The following TRHDE variants were observed in gnomAD, a reference collection of about 807,000 sequenced individuals.
TRHDE encodes the protein thyrotropin-releasing hormone-degrading ectoenzyme.
In TRHDE, 72 loss-of-function variants were observed where a neutral mutation model predicts 125.7. The ratio of observed to expected loss-of-function variants is 0.57; its 90% CI spans 0.47 to 0.70. TRHDE has a LOEUF of 0.70. TRHDE is among the 30% of genes least tolerant of loss of function. TRHDE has a pLI of 0.00. For missense variants in TRHDE, 1,110 were observed against 1,327.1 expected (o/e 0.84, Z 2.54); for synonymous variants, 509 against 509.1 (o/e 1.00, Z 0.00).
intron 2 of TRHDE, among the ~76,000 whole-genome samples, chr12:72,166,849 A>G (rs115636935): frequency 0.034 from 5,226 of 152,170 alleles, 169 homozygotes; most frequent in African/African-American, 0.082. Flanking sequence ...GGCAGAACAT[A>G]CAGTGATAAA....
intron 2 of TRHDE, among the ~76,000 whole-genome samples, chr12:72,139,854 G>A (rs962636342): frequency 2.0e-5 from 3 of 152,170 alleles, no homozygotes; most frequent in Non-Finnish European, 4.4e-5. Context: ...ATGGGAATGA[G>A]TGGTTGGATA....
In TRHDE at chr12:72,277,402, C is replaced by T. The variant is rs974820660; in HGVS notation, c.914+3845C>T. Among the ~76,000 whole-genome samples, 6 of 152,058 alleles carry T rather than the reference C, an allele frequency of 3.9e-5. No individual in the cohort carries two copies. In the East Asian group the frequency reaches 7.7e-4, roughly 20 times the overall value. On this transcript the variant is annotated intron_variant, in intron 1 of 18. Transcript: ENST00000261180. ...GAAATTCACTACATTATTTTTAGAT[C>T]GAAAGCAACTTCATTTCTCCCATTC...
intron 2 of TRHDE, among the ~76,000 whole-genome samples, chr12:72,313,113 TG>T (rs1565694485): frequency 6.6e-6 from 1 of 152,118 alleles, no homozygotes; most frequent in Non-Finnish European, 1.5e-5. Context: ...TTCATTATTG[TG>T]GGCAATATTT....
At chr12:72,208,906 T>G (rs1427178976) in intron 2 of TRHDE, among the ~76,000 whole-genome samples, 1 of 152,190 alleles carries the variant, frequency 6.6e-6, no homozygotes, top group Non-Finnish European at 1.5e-5. Flanking sequence ...CCCACTCTTC[T>G]TAGAGTCTGA....
intron 1 of TRHDE, among the ~76,000 whole-genome samples, chr12:72,089,900 A>G (rs1167721716): frequency 6.6e-6 from 1 of 152,200 alleles, no homozygotes; most frequent in Non-Finnish European, 1.5e-5. Context: ...AACACTCAGT[A>G]AATATTTGTT....
At chr12:72,201,980 T>A (rs932839087) in intron 2 of TRHDE, among the ~76,000 whole-genome samples, 6 of 151,976 alleles carry the variant, frequency 3.9e-5, no homozygotes, top group Admixed American at 3.9e-4. Context: ...TCCAGAACTC[T>A]GTCTTATTAA....
chr12:72,436,909 A>G (rs1268276517), intron 3 of TRHDE, among the ~76,000 whole-genome samples: 3 of 151,806 alleles, frequency 2.0e-5, no homozygotes, highest in African/African-American at 7.2e-5. Context: ...GCAACTACCC[A>G]TCATCTACAT....
At chr12:72,108,553 T>C (rs1447122385) in intron 2 of TRHDE, among the ~76,000 whole-genome samples, 1 of 152,102 alleles carries the variant, frequency 6.6e-6, no homozygotes, top group Non-Finnish European at 1.5e-5. Flanking sequence ...TCTTCTTCGA[T>C]GTTTCAGCTT....
chr12:72,643,708 T>TAAGTA (rs1874163010), intron 15 of TRHDE, among the ~76,000 whole-genome samples: 1 of 152,192 alleles, frequency 6.6e-6, no homozygotes, highest in South Asian at 2.1e-4. Flanking sequence ...AGTAGCTCCT[T>TAAGTA]AAGTATACTG....
chr12:72,512,579 T>A (rs1878649511), intron 6 of TRHDE, among the ~76,000 whole-genome samples: 1 of 141,162 alleles, frequency 7.1e-6, no homozygotes. Flanking sequence ...TATATAATCA[T>A]ATAATAATCA....
At chr12:72,534,784 G>A (rs941782050) in intron 6 of TRHDE, among the ~76,000 whole-genome samples, 6 of 151,938 alleles carry the variant, frequency 3.9e-5, no homozygotes, top group East Asian at 3.9e-4. Flanking sequence ...GGCTTTTCCT[G>A]TGCTTTTAAT....
rs1392008037 is a variant in TRHDE at position 72,663,094 on chromosome 12, T to G, written c.3109T>G (p.Ser1037Ala). 5 of 1,613,070 alleles carry G rather than the reference T, an allele frequency of 3.1e-6. No homozygotes were observed. Among genetic ancestry groups the G allele is most frequent in the Admixed American group, 1.7e-5 (1 of 59,882 alleles). Residue 1037 changes from serine (S) to alanine (A), a missense_variant, in exon 19 of 19, where the codon TCT becomes GCT. By Grantham distance (99) the Ser-to-Ala change is moderately conservative (BLOSUM62 1). Transcript: ENST00000261180. ...MKNYDGVAAA[S>A]FSRAVETVEA... ...AAACTATGATGGGGTAGCTGCTGCT[T>G]CTTTCTCACGAGCTGTGGAAACTGT...
intron 9 of TRHDE, among the ~76,000 whole-genome samples, chr12:72,567,313 G>GTT (rs200237105): frequency 7.5e-6 from 1 of 133,580 alleles, no homozygotes; most frequent in Non-Finnish European, 1.7e-5. Context: ...CCTCCAAAAT[G>GTT]TTTTTTTTTC....
At chr12:72,224,207 TATCTATC>T (rs1878075494) in intron 2 of TRHDE, among the ~76,000 whole-genome samples, 1 of 148,444 alleles carries the variant, frequency 6.7e-6, no homozygotes, top group African/African-American at 2.5e-5. Context: ...TCTATCTATC[TATCTATC>T]ATCTATCTAT....
intron 15 of TRHDE, among the ~76,000 whole-genome samples, chr12:72,638,825 T>A (rs1873892557): frequency 2.6e-5 from 4 of 152,228 alleles, no homozygotes; most frequent in Admixed American, 1.3e-4. Flanking sequence ...GAATGTTGAA[T>A]ATTGGCCCCC....
rs141863331 is a variant in TRHDE, at chr12:72,168,699, G to C, written n.279+62947G>C. Among the ~76,000 whole-genome samples the C allele has an allele frequency of 6.8e-4, 104 of 152,230 alleles. 1 individual carries two copies. The East Asian group carries it at 0.016, about 24-fold the overall frequency. ...GTCCAACATCTCTTCCCTCCAACTG[G>C]AGATATTAGTGAAATTTTTTTTTTC... is the stretch of plus-strand genomic sequence containing the variant. On this transcript the variant is annotated intron_variant and non_coding_transcript_variant, in intron 2 of 4. Coordinates refer to the TRHDE transcript ENST00000548156.
intron 3 of TRHDE, among the ~76,000 whole-genome samples, chr12:72,441,273 T>G (rs2039882101): frequency 6.6e-6 from 1 of 151,958 alleles, no homozygotes; most frequent in African/African-American, 2.4e-5. Context: ...GTTTTGCCTT[T>G]TTATCATGGA....
In TRHDE at chr12:72,148,397, G is replaced by C. The variant is rs139384743; in HGVS notation, n.279+42645G>C. On this transcript the variant is annotated intron_variant and non_coding_transcript_variant, in intron 2 of 4. Transcript: ENST00000548156. ...ATTTAATAACAGAATATTTAAAGTAGCAAAAAAAATCACTGGGCATAACAA... is the reference window on the plus strand; with the variant it reads ...ATTTAATAACAGAATATTTAAAGTACCAAAAAAAATCACTGGGCATAACAA... Among the ~76,000 whole-genome samples the C allele has an allele frequency of 2.0e-3, 307 of 152,092 alleles. 2 individuals carry two copies. Among genetic ancestry groups the C allele is most frequent in the African/African-American group, 7.2e-3 (298 of 41,500 alleles).
intron 3 of TRHDE, among the ~76,000 whole-genome samples, chr12:72,446,574 A>T (rs1435071617): frequency 6.6e-6 from 1 of 152,140 alleles, no homozygotes; most frequent in Non-Finnish European, 1.5e-5. Context: ...AAATTGGATG[A>T]AGAGTCAAGA....
Sources: allele counts gnomAD v4.1 joint callset (sites outside exome capture counted in the v4.1 genomes callset), GRCh38; gene constraint gnomAD v4.1.1; transcripts MANE v1.5; gene names NCBI Gene and HGNC (gene_info 2026-07-23, HGNC 2026-07-21).